The following SBF2 variants were observed in gnomAD, a reference collection of about 807,000 sequenced individuals.
SBF2 encodes SET binding factor 2.
SBF2 carries 112 observed loss-of-function variants against 225.2 expected under a neutral mutation model. That is an observed-to-expected ratio of 0.50 (90% CI 0.43 to 0.58). The LOEUF is 0.58. Ranked by LOEUF, SBF2 falls within the 20% of genes least tolerant of loss-of-function variation. The pLI is 0.00. For synonymous variants in SBF2, 763 were observed against 773.3 expected (o/e 0.99, Z 0.22); for missense variants, 1,996 against 2,206.2 (o/e 0.90, Z 1.91).
chr11:10,108,220 T>A (rs1031373160), intron 2 of SBF2, among the ~76,000 whole-genome samples: 13 of 152,164 alleles, frequency 8.5e-5, no homozygotes, highest in African/African-American at 3.1e-4. Flanking sequence ...AGCAGAACAC[T>A]GAGCTATAAA....
At chr11:10,237,404 A>G (rs1188685001) in intron 1 of SBF2, among the ~76,000 whole-genome samples, 1 of 152,184 alleles carries the variant, frequency 6.6e-6, no homozygotes, top group African/African-American at 2.4e-5. Context: ...GAGTGTTGTT[A>G]AATACCTGAT....
intron 12 of SBF2, among the ~76,000 whole-genome samples, chr11:9,991,978 T>C (rs1021939279): frequency 1.3e-5 from 2 of 152,166 alleles, no homozygotes; most frequent in South Asian, 2.1e-4. Flanking sequence ...TATTAGGGCC[T>C]TTAAAAATAA....
At chr11:10,278,602 G>A (rs1327533219) in intron 1 of SBF2, among the ~76,000 whole-genome samples, 4 of 152,100 alleles carry the variant, frequency 2.6e-5, no homozygotes, top group African/African-American at 9.7e-5. Flanking sequence ...CCAACATGGT[G>A]AAACCCTGTC....
At chr11:10,203,452 C>T (rs1020847191) in intron 1 of SBF2, among the ~76,000 whole-genome samples, 20 of 152,142 alleles carry the variant, frequency 1.3e-4, no homozygotes, top group African/African-American at 4.6e-4. Context: ...GGGAAACGAG[C>T]CTCAAAAAGA....
chr11:10,131,563 A>G (rs750642715), intron 2 of SBF2, among the ~76,000 whole-genome samples: 111 of 152,122 alleles, frequency 7.3e-4, no homozygotes, highest in Non-Finnish European at 1.2e-3. Context: ...CCTCCCAAGT[A>G]GCTGGGACTA....
At chr11:10,230,618 T>C (rs879484923) in intron 1 of SBF2, among the ~76,000 whole-genome samples, 1 of 152,220 alleles carries the variant, frequency 6.6e-6, no homozygotes, top group Non-Finnish European at 1.5e-5. Context: ...TTCTTTTCTT[T>C]AAGAATGTTG....
At chr11:9,812,739 A>G in intron 29 of SBF2, 31 bp from the exon 30 acceptor site, 1 of 1,608,424 alleles carries the variant, frequency 6.2e-7, no homozygotes, top group Non-Finnish European at 8.5e-7. Flanking sequence ...AATTAGGCAG[A>G]TGAAGTGCTA....
At chr11:10,108,228 AAATT>A (rs1224107948) in intron 2 of SBF2, among the ~76,000 whole-genome samples, 1 of 152,230 alleles carries the variant, frequency 6.6e-6, no homozygotes, top group African/African-American at 2.4e-5. Context: ...ACTGAGCTAT[AAATT>A]AATAAATGAC....
chr11:10,202,368 T>C (rs1719296634), intron 1 of SBF2, among the ~76,000 whole-genome samples: 1 of 152,228 alleles, frequency 6.6e-6, no homozygotes, highest in Non-Finnish European at 1.5e-5. Flanking sequence ...CCTGTTTCAC[T>C]TCACTCCGAG....
At position 10,294,097 on chromosome 11, in the gene SBF2, G is replaced by A. The variant is rs1964357910; in HGVS notation, c.-28C>T. On this transcript the variant is annotated 5_prime_UTR_variant, in exon 1 of 40. Transcript: ENST00000256190. The stretch of plus-strand genomic sequence containing the variant: ...CCGCCGCCGCCGCGCTCGGGAAGCG[G>A]GTCCCCGTCGCCGCCCTCGCCGCCG... 5 of 1,336,536 alleles carry A rather than the reference G, an allele frequency of 3.7e-6. No homozygotes were observed. Among genetic ancestry groups the A allele is most frequent in the South Asian group, 2.1e-5 (1 of 48,698 alleles). The allele number at this position is 1,336,536 out of a possible 1,614,324, so 82.8% of individuals were successfully genotyped here.
Position 10,303,160 on chromosome 11 carries a change from C to T in SBF2, n.386+1332G>A, listed in dbSNP as rs1169777372. On this transcript the variant is annotated intron_variant and non_coding_transcript_variant, in intron 1 of 5. Coordinates refer to the SBF2 transcript ENST00000685217. This position sits in a 1 kb window ranked among gnomAD's most constrained non-coding sequence, Gnocchi z 5.2. ...TCACCGAGCAGGCGTTCAGTAATAGCTGCTGTCTGCGGTGCAGACGGACTA... is the reference window on the plus strand; with the variant it reads ...TCACCGAGCAGGCGTTCAGTAATAGTTGCTGTCTGCGGTGCAGACGGACTA... 6.6e-6 allele frequency: 1 copy of T among 152,302 alleles called. No individual in the cohort carries two copies. The highest frequency in any genetic ancestry group is 1.5e-5 in the Non-Finnish European group (1 of 68,118). 9.4% of individuals were successfully genotyped at this position (152,302 alleles called of 1,614,324 possible). A position where few individuals can be genotyped will look rare whatever the true frequency, so the allele number is the denominator to read the frequency against.
intron 17 of SBF2, among the ~76,000 whole-genome samples, chr11:9,890,110 G>A (rs1860672938): frequency 6.6e-6 from 1 of 152,154 alleles, no homozygotes; most frequent in African/African-American, 2.4e-5. Flanking sequence ...TCGCTATGTT[G>A]GCCAGGCTGG....
intron 7 of SBF2, among the ~76,000 whole-genome samples, chr11:10,001,840 A>T (rs968348945): frequency 2.0e-5 from 3 of 152,152 alleles, no homozygotes; most frequent in African/African-American, 7.2e-5. Flanking sequence ...AAATTTTTTT[A>T]AAGAAATTCT....
At chr11:10,265,999 C>G (rs565764082) in intron 1 of SBF2, among the ~76,000 whole-genome samples, 19 of 152,276 alleles carry the variant, frequency 1.2e-4, no homozygotes, top group African/African-American at 4.6e-4. Context: ...GGATTACAGG[C>G]ATGAGCCATC....
At chr11:10,286,806 T>C (rs1194519791) in intron 1 of SBF2, among the ~76,000 whole-genome samples, 1 of 152,252 alleles carries the variant, frequency 6.6e-6, no homozygotes, top group Non-Finnish European at 1.5e-5. Flanking sequence ...CTCTCATACA[T>C]TGCTAGTGAA....
At chr11:10,020,178 G>A (rs908111040) in intron 6 of SBF2, among the ~76,000 whole-genome samples, 3 of 152,056 alleles carry the variant, frequency 2.0e-5, no homozygotes, top group Non-Finnish European at 4.4e-5. Flanking sequence ...ATTGGTGATC[G>A]GCAGCTTCCT....
chr11:9,787,654 C>T lies in SBF2; in HGVS notation c.5017G>A (p.Glu1673Lys), dbSNP rs764823510. 3.8e-5 allele frequency: 61 copies of T among 1,614,020 alleles called. No individual in the cohort carries two copies. Among genetic ancestry groups the T allele is most frequent in the Non-Finnish European group, 4.9e-5 (58 of 1,179,986 alleles). ...CTCACGCGATCTGTTCTTGGTTCTT[C>T]TTTAAGGTCCACGGTTACCCTTTCC... is the stretch of plus-strand genomic sequence containing the variant. ...LWERVTVDLK[E>K]EPRTDRSQRH... The change falls in exon 36 of 40, where the codon GAA becomes AAA. Residue 1673 changes from glutamate (E) to lysine (K), a missense_variant. By Grantham distance (56) the Glu-to-Lys change is moderately conservative. Transcript: ENST00000256190.
At chr11:9,920,202 G>GTATA (rs575092215) in intron 16 of SBF2, among the ~76,000 whole-genome samples, 4 of 143,628 alleles carry the variant, frequency 2.8e-5, no homozygotes, top group African/African-American at 7.8e-5. Flanking sequence ...GTGTGTGTGT[G>GTATA]TGTATATATA....
intron 2 of SBF2, among the ~76,000 whole-genome samples, chr11:10,171,171 C>T (rs1387517949): frequency 6.6e-6 from 1 of 152,078 alleles, no homozygotes; most frequent in Non-Finnish European, 1.5e-5. Flanking sequence ...ACTTCCAGTA[C>T]TATGTTGAAT....
Sources: allele counts gnomAD v4.1 joint callset (sites outside exome capture counted in the v4.1 genomes callset), GRCh38; gene constraint gnomAD v4.1.1; non-coding constraint Gnocchi (gnomAD v3.1); transcripts MANE v1.5; gene names NCBI Gene and HGNC (gene_info 2026-07-23, HGNC 2026-07-21).